The following B3GAT1 variants were observed in gnomAD, a reference collection of about 807,000 sequenced individuals.
The protein encoded by B3GAT1 is galactosylgalactosylxylosylprotein 3-beta-glucuronosyltransferase 1.
B3GAT1 carries 11 observed loss-of-function variants against 28.4 expected under a neutral mutation model. The observed-to-expected ratio is 0.39, with a 90% confidence interval of 0.24 to 0.64. The LOEUF (loss-of-function observed/expected upper bound fraction) is 0.64, where lower values mean the gene tolerates loss of function less well. Ranked by LOEUF, B3GAT1 falls within the 30% of genes least tolerant of loss-of-function variation. The pLI is 0.50. For missense variants in B3GAT1, 375 were observed against 491.0 expected (o/e 0.76, Z 2.23); for synonymous variants, 255 against 223.1 (o/e 1.14, Z -1.27).
chr11:134,403,973 GTTTC>G (rs1270901279), intron 1 of B3GAT1, among the ~76,000 whole-genome samples: 7 of 104,716 alleles, frequency 6.7e-5, no homozygotes, highest in South Asian at 3.2e-4. Flanking sequence ...CGGGTACAGA[GTTTC>G]TTTCTTTATA....
chr11:134,409,420 G>C (rs1000056457), intron 1 of B3GAT1, among the ~76,000 whole-genome samples: 1 of 152,178 alleles, frequency 6.6e-6, no homozygotes, highest in African/African-American at 2.4e-5. Flanking sequence ...AGGAGGGCTG[G>C]GGCAGGGCCA....
At chr11:134,409,442 G>T (rs1303268300) in intron 1 of B3GAT1, among the ~76,000 whole-genome samples, 1 of 152,194 alleles carries the variant, frequency 6.6e-6, no homozygotes, top group Non-Finnish European at 1.5e-5. Flanking sequence ...AAGATGGAGA[G>T]GAGCCCTCAG....
chr11:134,385,660 G>C (rs1233591489), intron 2 of B3GAT1: 1 of 152,276 alleles, frequency 6.6e-6, no homozygotes, highest in African/African-American at 2.4e-5. Context: ...GAGCCACTTT[G>C]TCCACCTCTC....
rs931372954 is a variant in B3GAT1 at position 134,412,141 on chromosome 11, G to A, written c.-616C>T. Among the ~76,000 whole-genome samples, 1 of 144,612 alleles carries A rather than the reference G, an allele frequency of 6.9e-6. No individual in the cohort carries two copies. The highest frequency in any genetic ancestry group is 1.5e-5 in the Non-Finnish European group (1 of 65,054). 94.9% of individuals were successfully genotyped at this position (144,612 alleles called of 152,430 possible). A position where few individuals can be genotyped will look rare whatever the true frequency, so the allele number is the denominator to read the frequency against. Reference sequence around the variant, plus strand: ...GGAGGGGGAGCGGGGAGCGGGCGCGGGGGCGAGAGGGGCGAGGGGGGCGCG... The same window carrying A: ...GGAGGGGGAGCGGGGAGCGGGCGCGAGGGCGAGAGGGGCGAGGGGGGCGCG... On this transcript the variant is annotated 5_prime_UTR_variant, in exon 1 of 6. Coordinates refer to ENST00000312527, the MANE Select transcript of B3GAT1 (RefSeq NM_054025.3).
intron 1 of B3GAT1, among the ~76,000 whole-genome samples, chr11:134,403,386 T>C (rs1565458985): frequency 6.6e-6 from 1 of 152,212 alleles, no homozygotes; most frequent in Non-Finnish European, 1.5e-5. Flanking sequence ...GCTGAGTTGC[T>C]TGGCCCCCAG....
intron 1 of B3GAT1, among the ~76,000 whole-genome samples, chr11:134,401,281 C>CAT (rs60449987): frequency 0.05 from 7,629 of 152,274 alleles, 640 homozygotes; most frequent in African/African-American, 0.17. Context: ...CACATACACT[C>CAT]ATGTTTATCG....
At chr11:134,400,809 G>A (rs1944598786) in intron 1 of B3GAT1, among the ~76,000 whole-genome samples, 1 of 152,202 alleles carries the variant, frequency 6.6e-6, no homozygotes, top group Non-Finnish European at 1.5e-5. Flanking sequence ...AGCAAAAGAA[G>A]CTCTTAACAG....
At chr11:134,400,535 A>G (rs1944592609) in intron 1 of B3GAT1, among the ~76,000 whole-genome samples, 1 of 152,230 alleles carries the variant, frequency 6.6e-6, no homozygotes, top group South Asian at 2.1e-4. Context: ...CCTTGTTTTA[A>G]GATTCAGCGG....
chr11:134,400,753 C>A (rs191133471), intron 1 of B3GAT1, among the ~76,000 whole-genome samples: 1 of 152,140 alleles, frequency 6.6e-6, no homozygotes, highest in African/African-American at 2.4e-5. Flanking sequence ...AAAATACAAA[C>A]AAAAATCAAC....
At position 134,411,993 on chromosome 11, in the gene B3GAT1, C is replaced by A. The variant is rs1305833092; in HGVS notation, c.-468G>T. The A allele has an allele frequency of 7.4e-6, 1 of 135,356 alleles. No homozygotes were observed. The highest frequency in any genetic ancestry group is 2.1e-4 in the East Asian group (1 of 4,730). 8.4% of individuals were successfully genotyped at this position (135,356 alleles called of 1,614,324 possible). A position where few individuals can be genotyped will look rare whatever the true frequency, so the allele number is the denominator to read the frequency against. On this transcript the variant is annotated 5_prime_UTR_variant, in exon 1 of 6. Coordinates refer to ENST00000312527, the MANE Select transcript of B3GAT1 (RefSeq NM_054025.3). This position sits in a 1 kb window ranked among gnomAD's most constrained non-coding sequence, Gnocchi z 6.0. Reference sequence around the variant, plus strand: ...GGTCCGCGCGCCCGCCCGCCCCGCCCGGCCCCGCCGCCCCGGCCCGGCTCG... The same window carrying A: ...GGTCCGCGCGCCCGCCCGCCCCGCCAGGCCCCGCCGCCCCGGCCCGGCTCG...
chr11:134,407,742 A>G (rs1944762750), intron 1 of B3GAT1, among the ~76,000 whole-genome samples: 1 of 152,074 alleles, frequency 6.6e-6, no homozygotes, highest in Non-Finnish European at 1.5e-5. Flanking sequence ...GCTGCAAAAA[A>G]AAAAAAAGCA....
At chr11:134,401,046 A>G (rs1247293914) in intron 1 of B3GAT1, among the ~76,000 whole-genome samples, 1 of 152,252 alleles carries the variant, frequency 6.6e-6, no homozygotes. Context: ...ACGAGACACC[A>G]TCTCACACCA....
chr11:134,395,205 C>T (rs937789634), intron 1 of B3GAT1, among the ~76,000 whole-genome samples: 5 of 152,124 alleles, frequency 3.3e-5, no homozygotes, highest in East Asian at 1.9e-4. Context: ...TGCTGGGGCA[C>T]GCCCGGGGGC....
intron 1 of B3GAT1, among the ~76,000 whole-genome samples, chr11:134,403,964 G>A (rs1374772685): frequency 4.9e-5 from 6 of 122,608 alleles, no homozygotes; most frequent in East Asian, 2.7e-4. Context: ...GTCATTTAAC[G>A]GGTACAGAGT....
intron 1 of B3GAT1, among the ~76,000 whole-genome samples, chr11:134,407,533 C>T (rs1375686619): frequency 6.6e-6 from 1 of 152,236 alleles, no homozygotes; most frequent in Non-Finnish European, 1.5e-5. Flanking sequence ...CAAGGTTAGT[C>T]CTCAAATCCA....
chr11:134,400,393 C>T (rs1004617668), intron 1 of B3GAT1, among the ~76,000 whole-genome samples: 1 of 152,188 alleles, frequency 6.6e-6, no homozygotes, highest in African/African-American at 2.4e-5. Context: ...ACCTTTAACT[C>T]TCACAGGGCT....
At position 134,389,192 on chromosome 11, in the gene B3GAT1, T is replaced by TCAA. The variant is rs1435067938; in HGVS notation, c.-281-1253_-281-1252insTTG. ...ATCTCACTGTGGTTTCAATTTGCATTTTGGTGACAGTCTTTTGAGGACAAA... is the reference window on the plus strand; with the variant it reads ...ATCTCACTGTGGTTTCAATTTGCATTCAATTGGTGACAGTCTTTTGAGGACAAA... On this transcript the variant is annotated intron_variant, in intron 1 of 5. Transcript: ENST00000312527. The TCAA allele has an allele frequency of 1.3e-3, 194 of 152,338 alleles. 1 individual carries two copies. Among genetic ancestry groups the TCAA allele is most frequent in the African/African-American group, 4.4e-3 (182 of 41,570 alleles). The allele number at this position is 152,338 out of a possible 1,614,324, so 9.4% of individuals were successfully genotyped here.
chr11:134,404,563 C>G (rs982716995), intron 1 of B3GAT1, among the ~76,000 whole-genome samples: 20 of 152,306 alleles, frequency 1.3e-4, no homozygotes, highest in African/African-American at 3.6e-4. Context: ...TGAGCATTCA[C>G]GGCTGGGTTG....
chr11:134,397,780 G>A (rs1312433103), intron 1 of B3GAT1, among the ~76,000 whole-genome samples: 2 of 152,234 alleles, frequency 1.3e-5, no homozygotes, highest in Non-Finnish European at 2.9e-5. Flanking sequence ...CCTTGCCTGG[G>A]CCTCCATGCC....
Sources: allele counts gnomAD v4.1 joint callset (sites outside exome capture counted in the v4.1 genomes callset), GRCh38; gene constraint gnomAD v4.1.1; non-coding constraint Gnocchi (gnomAD v3.1); transcripts MANE v1.5; gene names NCBI Gene and HGNC (gene_info 2026-07-23, HGNC 2026-07-21).